Variants in PATJ observed in about 807,000 individuals in gnomAD.
PATJ encodes the protein inaD-like protein.
A neutral mutation model predicts 224.9 loss-of-function variants in PATJ; 190 were observed. The ratio of observed to expected loss-of-function variants is 0.84; its 90% confidence interval spans 0.75 to 0.95. The LOEUF (loss-of-function observed/expected upper bound fraction) is 0.95, where lower values mean the gene tolerates loss of function less well. PATJ is among the 40% of genes least tolerant of loss of function. The pLI is 0.00. For synonymous variants in PATJ, 769 were observed against 820.3 expected, an observed-to-expected ratio of 0.94 and a Z score of 1.07; for missense variants, 2,121 against 2,270.3, an observed-to-expected ratio of 0.93 and a Z score of 1.34.
chr1:62,142,932 G>A (rs1667647712), intron 41 of PATJ, among the ~76,000 whole-genome samples: 1 of 152,188 alleles, frequency 6.6e-6, no homozygotes, highest in Non-Finnish European at 1.5e-5. Context: ...GTTTTAAGCA[G>A]GGGAGTGCGG....
intron 27 of PATJ, among the ~76,000 whole-genome samples, chr1:61,950,133 G>A (rs757494906): frequency 6.6e-6 from 1 of 152,060 alleles, no homozygotes; most frequent in Non-Finnish European, 1.5e-5. Flanking sequence ...GAACCCAGGA[G>A]GCGGAGGTTG....
intron 17 of PATJ, chr1:61,846,313 G>C (rs1366498496): frequency 6.6e-6 from 1 of 152,090 alleles, no homozygotes; most frequent in African/African-American, 2.4e-5. Context: ...CATTCGGCTA[G>C]TATTTGTGCT....
chr1:62,116,520 T>C lies in PATJ; in HGVS notation c.4656-12T>C. 6.2e-7 allele frequency: 1 copy of C among 1,613,684 alleles called. No homozygotes were observed. On this transcript the variant is annotated splice_polypyrimidine_tract_variant and intron_variant, in intron 35 of 43. Transcript: ENST00000642238. ...GTTGTGCCAATACTGCACTGCTGTA[T>C]GGTATTAACAGAAATGGAAGCGGAG...
In PATJ at chr1:61,967,036, A is replaced by G. The variant is rs142878596; in HGVS notation, c.3671-23132A>G. ...GACCTGTCTCATCCTGTGACTTAGA[A>G]TGCCTTCAACATCTGGGAATGCAGC... On this transcript the variant is annotated intron_variant, in intron 27 of 43. Coordinates refer to ENST00000642238, the MANE Select transcript of PATJ (RefSeq NM_001350145.3). 3.4e-3 allele frequency among the ~76,000 whole-genome samples: 521 copies of G among 152,248 alleles called. 4 individuals carry two copies. Among genetic ancestry groups the G allele is most frequent in the African/African-American group, 9.6e-3 (400 of 41,538 alleles).
chr1:61,909,807 G>A (rs1394150337), intron 25 of PATJ, among the ~76,000 whole-genome samples: 1 of 152,182 alleles, frequency 6.6e-6, no homozygotes, highest in African/African-American at 2.4e-5. Context: ...CAAACTGGGT[G>A]GGTATATGTT....
chr1:61,865,034 T>G (rs568982170), intron 20 of PATJ, among the ~76,000 whole-genome samples: 15 of 152,214 alleles, frequency 9.9e-5, no homozygotes, highest in African/African-American at 3.6e-4. Flanking sequence ...AGTACATACA[T>G]ATTCTTGTTT....
intron 23 of PATJ, among the ~76,000 whole-genome samples, chr1:61,900,652 C>G (rs889933594): frequency 3.9e-4 from 59 of 151,962 alleles, no homozygotes; most frequent in Admixed American, 9.2e-4. Flanking sequence ...TGCAGTGGCG[C>G]AATCTCGGCT....
At chr1:62,068,709 C>T (rs770370208) in intron 31 of PATJ, among the ~76,000 whole-genome samples, 10 of 152,194 alleles carry the variant, frequency 6.6e-5, no homozygotes, top group Non-Finnish European at 1.3e-4. Context: ...GGGATATTGC[C>T]AGTGTTGCCT....
At position 61,864,391 on chromosome 1, in the gene PATJ, G is replaced by T; in HGVS notation, c.2593G>T (p.Asp865Tyr). ...TCTGACTCCTAGATTGCAGGAAATGGATGAAGAAAGAGAAATTCTTGTTGA... is the reference window on the plus strand; with the variant it reads ...TCTGACTCCTAGATTGCAGGAAATGTATGAAGAAAGAGAAATTCTTGTTGA... ...EFLTPRLQEM[D>Y]EEREILVDEE... Residue 865 changes from aspartate (D) to tyrosine (Y), a missense_variant, in exon 20 of 44, where the codon GAT becomes TAT. Transcript: ENST00000642238. The T allele has an allele frequency of 6.2e-7, 1 of 1,614,074 alleles. No homozygotes were observed. Among genetic ancestry groups the T allele is most frequent in the Non-Finnish European group, 8.5e-7 (1 of 1,179,914 alleles).
At chr1:62,104,790 G>A (rs1221856212) in intron 33 of PATJ, among the ~76,000 whole-genome samples, 1 of 152,084 alleles carries the variant, frequency 6.6e-6, no homozygotes, top group Non-Finnish European at 1.5e-5. Flanking sequence ...TCCTGTCTCA[G>A]CCTTCCGAGT....
At chr1:62,016,843 A>T (rs1384875097) in intron 28 of PATJ, among the ~76,000 whole-genome samples, 1 of 152,216 alleles carries the variant, frequency 6.6e-6, no homozygotes, top group Non-Finnish European at 1.5e-5. Flanking sequence ...TAACCTTGAC[A>T]TGTTTACAAA....
intron 34 of PATJ, among the ~76,000 whole-genome samples, chr1:62,111,746 C>T (rs940439381): frequency 2.0e-5 from 3 of 151,536 alleles, no homozygotes; most frequent in Non-Finnish European, 4.4e-5. Flanking sequence ...CTGCAACCTC[C>T]GCCTCCCAGG....
At chr1:62,037,829 A>G in intron 29 of PATJ, 148 bp from the exon 30 acceptor site, 1 of 308,468 alleles carries the variant, frequency 3.2e-6, no homozygotes, top group Non-Finnish European at 5.9e-6. Flanking sequence ...GAAGCTATAT[A>G]TATGGAAGCT....
chr1:61,784,483 G>A (rs568022987), intron 7 of PATJ, among the ~76,000 whole-genome samples: 2 of 152,236 alleles, frequency 1.3e-5, no homozygotes, highest in South Asian at 2.1e-4. Context: ...CTGCTTTTCT[G>A]TAGCAAGAAA....
intron 25 of PATJ, among the ~76,000 whole-genome samples, chr1:61,910,900 T>C (rs1310498111): frequency 6.6e-6 from 1 of 152,136 alleles, no homozygotes; most frequent in Non-Finnish European, 1.5e-5. Flanking sequence ...TCAAGTTTCA[T>C]GTCTTTGTAA....
At chr1:62,034,001 G>A (rs11585888) in intron 29 of PATJ, among the ~76,000 whole-genome samples, 30,152 of 152,114 alleles carry the variant, frequency 0.2, 3,275 homozygotes, top group Non-Finnish European at 0.25. Flanking sequence ...CTGGAAAACA[G>A]GTCTCACCCT....
In PATJ at chr1:62,161,532, C is replaced by T. The variant is rs11207914; in HGVS notation, c.*478C>T. 0.18 allele frequency: 27,639 copies of T among 151,996 alleles called. 4,014 individuals are homozygous for T. The highest frequency in any genetic ancestry group is 0.63 in the East Asian group (3,248 of 5,144). The allele number at this position is 151,996 out of a possible 1,614,324, so 9.4% of individuals were successfully genotyped here. ...TTTTGTTTTTTTAGTAGAGATGGAG[C>T]TTCCCCATGTGGGCCAGGCTGGTCT... On this transcript the variant is annotated 3_prime_UTR_variant, in exon 44 of 44. Transcript: ENST00000642238.
intron 26 of PATJ, among the ~76,000 whole-genome samples, chr1:61,915,361 C>G (rs1463494260): frequency 2.0e-5 from 3 of 152,204 alleles, no homozygotes; most frequent in African/African-American, 7.2e-5. Flanking sequence ...ATCAACTTGT[C>G]TATCCCAGTA....
At chr1:61,777,440 G>A (rs1646975261) in intron 7 of PATJ, among the ~76,000 whole-genome samples, 2 of 151,996 alleles carry the variant, frequency 1.3e-5, no homozygotes, top group Admixed American at 6.6e-5. Context: ...TGCTACTTGG[G>A]AGGCTGAGGT....
Sources: allele counts gnomAD v4.1 joint callset (sites outside exome capture counted in the v4.1 genomes callset), GRCh38; gene constraint gnomAD v4.1.1; transcripts MANE v1.5; gene names NCBI Gene and HGNC (gene_info 2026-07-23, HGNC 2026-07-21).